Variants in CPQ observed in about 807,000 individuals in gnomAD.
CPQ encodes the protein carboxypeptidase Q, also known as Ser-Met dipeptidase.
CPQ carries 37 observed loss-of-function variants against 45.7 expected under a neutral mutation model. The observed-to-expected ratio is 0.81, with a 90% CI of 0.62 to 1.07. The LOEUF is 1.07. Among genes scored for constraint, CPQ ranks in the 50% least tolerant of loss-of-function variants. The pLI is 0.00. For missense variants in CPQ, 537 were observed against 572.9 expected (o/e 0.94, Z 0.64); for synonymous variants, 186 against 205.8 (o/e 0.90, Z 0.82).
At chr8:96,740,857 C>A (rs538294236) in intron 1 of CPQ, among the ~76,000 whole-genome samples, 1 of 152,174 alleles carries the variant, frequency 6.6e-6, no homozygotes, top group African/African-American at 2.4e-5. Flanking sequence ...CTGCTGGATT[C>A]GGTTTGCTAG....
At chr8:96,923,574 A>T (rs965846371) in intron 4 of CPQ, among the ~76,000 whole-genome samples, 9 of 152,154 alleles carry the variant, frequency 5.9e-5, no homozygotes, top group Admixed American at 3.9e-4. Context: ...GTCATACATC[A>T]ATCCACCTAT....
intron 3 of CPQ, among the ~76,000 whole-genome samples, chr8:96,851,131 G>A (rs1811765619): frequency 6.6e-6 from 1 of 152,150 alleles, no homozygotes; most frequent in African/African-American, 2.4e-5. Flanking sequence ...TGGGAGGCAG[G>A]GAGCTTTAGA....
intron 1 of CPQ, among the ~76,000 whole-genome samples, chr8:96,704,616 G>C (rs1809509849): frequency 6.6e-6 from 1 of 152,116 alleles, no homozygotes; most frequent in African/African-American, 2.4e-5. Flanking sequence ...GAGTTCAAGA[G>C]TAGGAGAGTA....
At chr8:96,734,575 G>A (rs1259399045) in intron 1 of CPQ, among the ~76,000 whole-genome samples, 2 of 151,980 alleles carry the variant, frequency 1.3e-5, no homozygotes, top group African/African-American at 4.8e-5. Context: ...GCTGGGCGTG[G>A]TGGCAGGCGC....
At chr8:97,064,217 C>T (rs1386770403) in intron 6 of CPQ, among the ~76,000 whole-genome samples, 1 of 152,070 alleles carries the variant, frequency 6.6e-6, no homozygotes, top group Non-Finnish European at 1.5e-5. Context: ...ATTCTGTTTT[C>T]ATTTGCAAGA....
At chr8:96,953,127 A>C (rs914423739) in intron 4 of CPQ, among the ~76,000 whole-genome samples, 1 of 152,130 alleles carries the variant, frequency 6.6e-6, no homozygotes, top group Admixed American at 6.6e-5. Context: ...AGGAATTTGC[A>C]CTAGAAAACA....
chr8:96,835,480 G>A (rs957082346), intron 3 of CPQ, among the ~76,000 whole-genome samples: 2 of 152,206 alleles, frequency 1.3e-5, no homozygotes, highest in Non-Finnish European at 2.9e-5. Context: ...ATTGGAGGAA[G>A]AACTGCGTTC....
intron 2 of CPQ, among the ~76,000 whole-genome samples, chr8:96,793,963 C>T (rs530434767): frequency 6.6e-6 from 1 of 152,304 alleles, no homozygotes; most frequent in South Asian, 2.1e-4. Context: ...TCTTGGGCAG[C>T]TCCATCCTTC....
chr8:96,645,652 G>GGGGGT (rs1815509966), intron 1 of CPQ, among the ~76,000 whole-genome samples: 1 of 152,052 alleles, frequency 6.6e-6, no homozygotes, highest in African/African-American at 2.4e-5. Context: ...GCTGTGACGT[G>GGGGGT]GGGGTGGTGG....
chr8:96,795,726 CTTCTT>C (rs1436182797), intron 2 of CPQ, among the ~76,000 whole-genome samples: 1 of 151,640 alleles, frequency 6.6e-6, no homozygotes, highest in Non-Finnish European at 1.5e-5. Flanking sequence ...ATTTTTTTCT[CTTCTT>C]TTAAATAGCA....
At chr8:96,661,632 A>C (rs1001255959) in intron 1 of CPQ, among the ~76,000 whole-genome samples, 1 of 152,028 alleles carries the variant, frequency 6.6e-6, no homozygotes, top group Non-Finnish European at 1.5e-5. Flanking sequence ...ATTTCTTTTT[A>C]GCTCTGAATA....
chr8:97,037,986 A>G (rs1810032650), intron 6 of CPQ, among the ~76,000 whole-genome samples: 1 of 152,218 alleles, frequency 6.6e-6, no homozygotes, highest in South Asian at 2.1e-4. Context: ...AAAACAGTTT[A>G]AAGTAAAAAG....
In CPQ at chr8:96,674,318, A is replaced by T. The variant is rs187854950; in HGVS notation, c.-35+28916A>T. 9.9e-5 allele frequency among the ~76,000 whole-genome samples: 15 copies of T among 152,268 alleles called. No homozygotes were observed. In the East Asian group the frequency reaches 2.9e-3, roughly 29 times the overall value. The stretch of plus-strand genomic sequence containing the variant: ...GTGGTTAAAACACTTTTGTGGGTTT[A>T]TTGAGACTGATAAATACGCTCATTT... On this transcript the variant is annotated intron_variant, in intron 1 of 7. Transcript: ENST00000220763.
At chr8:97,086,201 C>T (rs1811037992) in intron 7 of CPQ, among the ~76,000 whole-genome samples, 1 of 152,098 alleles carries the variant, frequency 6.6e-6, no homozygotes, top group Admixed American at 6.6e-5. Flanking sequence ...TTTAGAACCA[C>T]ACAAATTTAC....
At chr8:96,844,634 T>C (rs1452698584) in intron 3 of CPQ, among the ~76,000 whole-genome samples, 26 of 152,328 alleles carry the variant, frequency 1.7e-4, no homozygotes, top group Admixed American at 1.2e-3. Context: ...AAGTGATTGA[T>C]GAAATATAAC....
intron 4 of CPQ, among the ~76,000 whole-genome samples, chr8:96,932,617 G>A (rs565615917): frequency 4.6e-5 from 7 of 152,204 alleles, no homozygotes; most frequent in South Asian, 4.2e-4. Context: ...TCCAGTCATC[G>A]TGAATTACAT....
intron 4 of CPQ, among the ~76,000 whole-genome samples, chr8:96,922,531 A>G (rs921740648): frequency 5.9e-5 from 9 of 152,188 alleles, no homozygotes; most frequent in African/African-American, 2.2e-4. Context: ...GCCAAACATG[A>G]TTGAAAACTA....
In CPQ at chr8:97,014,541, C is replaced by T. The variant is rs553599554; in HGVS notation, c.962-14862C>T. Among the ~76,000 whole-genome samples, 6 of 150,104 alleles carry T rather than the reference C, an allele frequency of 4.0e-5. No homozygotes were observed. In the South Asian group the frequency reaches 1.3e-3, roughly 31 times the overall value. ...GACAAATGCCTGTAATCTCTGGAGG[C>T]AGAGGCATGAGAATCACTTGAACCC... is the stretch of plus-strand genomic sequence containing the variant. On this transcript the variant is annotated intron_variant, in intron 5 of 7. Transcript: ENST00000220763.
At chr8:96,851,805 G>C (rs1811774603) in intron 3 of CPQ, among the ~76,000 whole-genome samples, 2 of 152,166 alleles carry the variant, frequency 1.3e-5, no homozygotes, top group African/African-American at 2.4e-5. Flanking sequence ...CGACAGTCTT[G>C]GGCCCTTTGT....
Sources: gnomAD v4.1 joint callset for allele counts (sites outside exome capture counted in the v4.1 genomes callset) on GRCh38, gnomAD v4.1.1 for gene constraint, MANE v1.5 for transcripts, NCBI Gene and HGNC (gene_info 2026-07-23, HGNC 2026-07-21) for gene names.